SMYD3: variants seen among roughly 807,000 people sequenced by gnomAD.
SMYD3 encodes the protein histone-lysine N-methyltransferase SMYD3.
SMYD3 carries 36 observed loss-of-function variants against 57.7 expected under a neutral mutation model. That is an observed-to-expected ratio of 0.62 (90% CI 0.48 to 0.82). SMYD3 has a LOEUF of 0.82. SMYD3 is among the 40% of genes least tolerant of loss of function. The pLI is 0.00. For missense variants in SMYD3, 515 were observed against 538.8 expected (o/e 0.96, Z 0.44); for synonymous variants, 211 against 195.0 (o/e 1.08, Z -0.68).
chr1:246,184,949 A>C (rs926656096), intron 5 of SMYD3, among the ~76,000 whole-genome samples: 6 of 152,240 alleles, frequency 3.9e-5, no homozygotes, highest in African/African-American at 1.4e-4. Context: ...ATTGATGCTT[A>C]ATAGTGACTA....
intron 5 of SMYD3, among the ~76,000 whole-genome samples, chr1:246,221,330 C>T (rs547739097): frequency 5.9e-5 from 9 of 152,300 alleles, no homozygotes; most frequent in African/African-American, 2.2e-4. Context: ...TGCTCACCCT[C>T]CACATTGCAT....
chr1:245,765,204 G>A (rs1012301740), intron 10 of SMYD3, among the ~76,000 whole-genome samples: 1 of 144,836 alleles, frequency 6.9e-6, no homozygotes, highest in African/African-American at 2.6e-5. Flanking sequence ...TGGGTAACAA[G>A]GCAAAACCCT....
intron 2 of SMYD3, among the ~76,000 whole-genome samples, chr1:246,346,022 C>T (rs1009092157): frequency 3.9e-5 from 6 of 152,198 alleles, no homozygotes; most frequent in East Asian, 3.9e-4. Context: ...CAGTGGCTCA[C>T]GCCTGTAATC....
chr1:245,803,461 C>G (rs2047971836), intron 10 of SMYD3, among the ~76,000 whole-genome samples: 1 of 151,878 alleles, frequency 6.6e-6, no homozygotes, highest in African/African-American at 2.4e-5. Context: ...ACAATGGTGA[C>G]TGTCAACAGT....
chr1:246,134,307 T>C (rs2061633692), intron 5 of SMYD3, among the ~76,000 whole-genome samples: 1 of 152,138 alleles, frequency 6.6e-6, no homozygotes, highest in African/African-American at 2.4e-5. Flanking sequence ...CACTTCAACA[T>C]AATTTAAAAT....
intron 5 of SMYD3, among the ~76,000 whole-genome samples, chr1:246,041,818 G>GA (rs755343940): frequency 1.0e-3 from 143 of 142,918 alleles, no homozygotes; most frequent in African/African-American, 1.6e-3. Flanking sequence ...TCTTTATTGG[G>GA]AAAAAAAAAA....
intron 10 of SMYD3, among the ~76,000 whole-genome samples, chr1:245,840,423 A>G (rs2050340755): frequency 6.6e-6 from 1 of 152,234 alleles, no homozygotes; most frequent in South Asian, 2.1e-4. Flanking sequence ...GGAGAATTTT[A>G]TATTCTAATT....
intron 5 of SMYD3, among the ~76,000 whole-genome samples, chr1:246,307,711 G>A (rs761024775): frequency 6.6e-5 from 10 of 152,100 alleles, no homozygotes; most frequent in Admixed American, 1.3e-4. Context: ...GAGCCACCGC[G>A]CCCGGCCAAA....
intron 5 of SMYD3, among the ~76,000 whole-genome samples, chr1:246,024,172 C>T (rs565327740): frequency 5.3e-5 from 8 of 152,240 alleles, no homozygotes; most frequent in Non-Finnish European, 1.0e-4. Context: ...AATATGGAAG[C>T]GAGAAAACAA....
intron 10 of SMYD3, among the ~76,000 whole-genome samples, chr1:245,837,550 A>G (rs544033885): frequency 6.6e-6 from 1 of 152,308 alleles, no homozygotes; most frequent in African/African-American, 2.4e-5. Flanking sequence ...GAAGCACAGA[A>G]AAGAAGCCTC....
intron 3 of SMYD3, among the ~76,000 whole-genome samples, chr1:246,333,001 G>C (rs1053556482): frequency 1.3e-5 from 2 of 152,210 alleles, no homozygotes; most frequent in African/African-American, 4.8e-5. Flanking sequence ...CATAGCTAGA[G>C]AGAATTCAAT....
Position 246,355,512 on chromosome 1 carries a change from T to G in SMYD3, c.165-418A>C, listed in dbSNP as rs1369867362. Among the ~76,000 whole-genome samples the G allele has an allele frequency of 6.6e-6, 1 of 152,178 alleles. No individual in the cohort carries two copies. The highest frequency in any genetic ancestry group is 6.5e-5 in the Admixed American group (1 of 15,288). On this transcript the variant is annotated intron_variant, in intron 1 of 11. Coordinates refer to ENST00000490107, the MANE Select transcript of SMYD3 (RefSeq NM_001167740.2). This position sits in a 1 kb window ranked among gnomAD's most constrained non-coding sequence, Gnocchi z 5.0. ...AGACTCTGAAAAGATGTGAGCTGCC[T>G]GCTTGCTCAGCAGGGAGGCTGGCGG...
intron 5 of SMYD3, among the ~76,000 whole-genome samples, chr1:246,248,883 C>G (rs2063755201): frequency 7.0e-6 from 1 of 142,420 alleles, no homozygotes; most frequent in Non-Finnish European, 1.5e-5. Flanking sequence ...GTCTCAATCT[C>G]CTGACCTCGT....
At chr1:246,284,168 T>C (rs1268980206) in intron 5 of SMYD3, among the ~76,000 whole-genome samples, 1 of 152,130 alleles carries the variant, frequency 6.6e-6, no homozygotes, top group South Asian at 2.1e-4. Context: ...ATGCTGCATA[T>C]CAGCTACTTG....
intron 1 of SMYD3, among the ~76,000 whole-genome samples, chr1:246,447,461 T>C (rs2067565656): frequency 6.6e-6 from 1 of 152,204 alleles, no homozygotes; most frequent in Non-Finnish European, 1.5e-5. Flanking sequence ...CTGAAATATA[T>C]TTGACATTTG....
intron 5 of SMYD3, among the ~76,000 whole-genome samples, chr1:245,997,648 T>C (rs558813187): frequency 1.3e-5 from 2 of 152,150 alleles, no homozygotes; most frequent in Non-Finnish European, 2.9e-5. Flanking sequence ...CAGCAGGCTA[T>C]GCAGTTACAC....
At chr1:246,444,346 A>C (rs1320697086) in intron 1 of SMYD3, among the ~76,000 whole-genome samples, 1 of 152,044 alleles carries the variant, frequency 6.6e-6, no homozygotes, top group Non-Finnish European at 1.5e-5. Flanking sequence ...GACTGGTCTC[A>C]AACTCCTGAC....
chr1:246,305,473 G>A (rs1329600091), intron 5 of SMYD3, among the ~76,000 whole-genome samples: 7 of 152,056 alleles, frequency 4.6e-5, no homozygotes, highest in African/African-American at 1.4e-4. Context: ...GGTCAATTCA[G>A]GCTGCATCCA....
At chr1:246,148,469 C>G (rs191322007) in intron 5 of SMYD3, among the ~76,000 whole-genome samples, 34 of 152,270 alleles carry the variant, frequency 2.2e-4, no homozygotes, top group African/African-American at 8.2e-4. Context: ...TAAAGCTCCT[C>G]TTCATCTTCT....
Sources: gnomAD v4.1 joint callset for allele counts (sites outside exome capture counted in the v4.1 genomes callset) on GRCh38, gnomAD v4.1.1 for gene constraint, Gnocchi (gnomAD v3.1) non-coding constraint, MANE v1.5 for transcripts, NCBI Gene and HGNC (gene_info 2026-07-23, HGNC 2026-07-21) for gene names.